CTNNA2: variants seen among roughly 807,000 people sequenced by gnomAD.
The protein encoded by CTNNA2 is catenin alpha-2.
Under a neutral mutation model 101.0 loss-of-function variants are expected in CTNNA2, and 42 were observed. That is an observed-to-expected ratio of 0.42 (90% confidence interval 0.32 to 0.54). The LOEUF is 0.54. Ranked by LOEUF, CTNNA2 falls within the 20% of genes least tolerant of loss-of-function variation. CTNNA2 has a pLI of 0.14. For synonymous variants in CTNNA2, 450 were observed against 456.4 expected, an observed-to-expected ratio of 0.99 and a Z score of 0.18; for missense variants, 871 against 1,223.1, an observed-to-expected ratio of 0.71 and a Z score of 4.29.
rs544829787 is a variant in CTNNA2 at position 80,450,877 on chromosome 2, T to A, written c.1290+31276T>A. Reference sequence around the variant, plus strand: ...AGGGTTGGATGGTAATTTTCAGCAGTGGAACTTGAGAGGAACAATTCTATT... The same window carrying A: ...AGGGTTGGATGGTAATTTTCAGCAGAGGAACTTGAGAGGAACAATTCTATT... On this transcript the variant is annotated intron_variant, in intron 9 of 18. Transcript: ENST00000402739. 7.9e-5 allele frequency among the ~76,000 whole-genome samples: 12 copies of A among 152,262 alleles called. No individual in the cohort carries two copies. The South Asian group carries it at 2.5e-3, about 32-fold the overall frequency.
chr2:80,320,680 A>G (rs1678593069), intron 7 of CTNNA2, among the ~76,000 whole-genome samples: 1 of 152,208 alleles, frequency 6.6e-6, no homozygotes, highest in South Asian at 2.1e-4. Context: ...TTGCCACTTT[A>G]GCATTATCAT....
chr2:80,176,161 T>C, intron 7 of CTNNA2, among the ~76,000 whole-genome samples: 1 of 152,200 alleles, frequency 6.6e-6, no homozygotes, highest in East Asian at 1.9e-4. Context: ...CTTAAACCCA[T>C]ACACATCTTT....
chr2:79,611,905 G>A (rs888978393), intron 1 of CTNNA2, among the ~76,000 whole-genome samples: 3 of 152,114 alleles, frequency 2.0e-5, no homozygotes, highest in Non-Finnish European at 2.9e-5. Context: ...CCACCAGTAC[G>A]TTGACACAGA....
intron 3 of CTNNA2, among the ~76,000 whole-genome samples, chr2:79,769,315 C>T (rs1441988742): frequency 6.6e-6 from 1 of 152,054 alleles, no homozygotes; most frequent in Non-Finnish European, 1.5e-5. Flanking sequence ...AATGGAGGGT[C>T]ACTTAATCAA....
At chr2:80,490,968 A>G (rs1157899652) in intron 9 of CTNNA2, among the ~76,000 whole-genome samples, 3 of 152,248 alleles carry the variant, frequency 2.0e-5, no homozygotes, top group African/African-American at 4.8e-5. Context: ...CATGGCCTCA[A>G]GTTACTAATT....
At chr2:80,038,323 AAAAC>A (rs1472012085) in intron 7 of CTNNA2, among the ~76,000 whole-genome samples, 1 of 152,210 alleles carries the variant, frequency 6.6e-6, no homozygotes, top group East Asian at 1.9e-4. Context: ...TAAAGAAAAA[AAAAC>A]TTGTTTCATT....
chr2:79,833,601 G>A (rs577325323), intron 3 of CTNNA2, among the ~76,000 whole-genome samples: 2 of 152,052 alleles, frequency 1.3e-5, no homozygotes, highest in African/African-American at 4.8e-5. Context: ...AGTAAAACTC[G>A]ATTTCTTGCT....
At chr2:80,645,317 T>C (rs1426987236) in intron 18 of CTNNA2, among the ~76,000 whole-genome samples, 1 of 152,170 alleles carries the variant, frequency 6.6e-6, no homozygotes, top group Non-Finnish European at 1.5e-5. Context: ...TCCCAACATT[T>C]TGCTGTCTCA....
intron 9 of CTNNA2, among the ~76,000 whole-genome samples, chr2:80,428,871 T>G (rs1681230448): frequency 6.6e-6 from 1 of 152,082 alleles, no homozygotes; most frequent in Non-Finnish European, 1.5e-5. Flanking sequence ...TTGATGGAAT[T>G]GGACCTCCAT....
intron 1 of CTNNA2, among the ~76,000 whole-genome samples, chr2:79,575,028 G>T (rs1675700985): frequency 6.6e-6 from 1 of 151,922 alleles, no homozygotes; most frequent in African/African-American, 2.4e-5. Flanking sequence ...GAAAAGCGTT[G>T]GTTCGTGTCC....
chr2:79,962,252 C>A lies in CTNNA2; in HGVS notation c.1056+52455C>A, dbSNP rs1689690202. On this transcript the variant is annotated intron_variant, in intron 7 of 18. Coordinates refer to ENST00000402739, the MANE Select transcript of CTNNA2 (RefSeq NM_001282597.3). The stretch of plus-strand genomic sequence containing the variant: ...ATCAAGACACTGGCAGATTTGGAGT[C>A]TGGCGATGGCCTGTTCCTCATAGAT... Among the ~76,000 whole-genome samples the A allele has an allele frequency of 2.0e-5, 3 of 152,244 alleles. No homozygotes were observed. The South Asian group carries it at 6.2e-4, about 31-fold the overall frequency.
intron 3 of CTNNA2, among the ~76,000 whole-genome samples, chr2:79,791,451 G>A (rs952628149): frequency 2.0e-5 from 3 of 152,170 alleles, no homozygotes; most frequent in Non-Finnish European, 4.4e-5. Context: ...TAATGGGTTA[G>A]GATAATGTAT....
rs1464589793 is a variant in CTNNA2, at chr2:80,293,776, TGC to T, written c.1057-99434_1057-99433del. 3.9e-5 allele frequency among the ~76,000 whole-genome samples: 6 copies of T among 152,308 alleles called. No homozygotes were observed. The East Asian group carries it at 1.2e-3, about 29-fold the overall frequency. On this transcript the variant is annotated intron_variant, in intron 7 of 18. Coordinates refer to ENST00000402739, the MANE Select transcript of CTNNA2 (RefSeq NM_001282597.3). ...GAAGAGCTGGTGGCAAATCTGCGGA[TGC>T]AGTGGACTGAGTGGAAAGGGAATAT...
At chr2:79,799,212 T>A in intron 3 of CTNNA2, among the ~76,000 whole-genome samples, 1 of 151,966 alleles carries the variant, frequency 6.6e-6, no homozygotes, top group East Asian at 1.9e-4. Context: ...GCCAGCCTCA[T>A]TCCCCCTCTT....
intron 1 of CTNNA2, among the ~76,000 whole-genome samples, chr2:79,644,090 C>T (rs754986112): frequency 2.0e-4 from 31 of 152,100 alleles, no homozygotes; most frequent in Non-Finnish European, 2.1e-4. Flanking sequence ...CAGGCTGGAG[C>T]GCAGTGGCAT....
At chr2:80,542,568 G>A (rs756405929) in intron 9 of CTNNA2, among the ~76,000 whole-genome samples, 12 of 151,782 alleles carry the variant, frequency 7.9e-5, no homozygotes, top group Admixed American at 1.3e-4. Flanking sequence ...TTCATTAAGC[G>A]TGTTGGTATT....
intron 7 of CTNNA2, among the ~76,000 whole-genome samples, chr2:80,048,417 A>T (rs933154600): frequency 1.3e-5 from 2 of 152,176 alleles, no homozygotes; most frequent in African/African-American, 2.4e-5. Flanking sequence ...AAAGTCTTTA[A>T]TTGGGATAAG....
intron 3 of CTNNA2, among the ~76,000 whole-genome samples, chr2:79,320,633 G>T (rs1342776328): frequency 6.6e-6 from 1 of 152,160 alleles, no homozygotes; most frequent in African/African-American, 2.4e-5. Context: ...GTAGATGTTG[G>T]AATCCACCGG....
intron 3 of CTNNA2, among the ~76,000 whole-genome samples, chr2:79,352,183 C>A (rs1677404886): frequency 6.6e-6 from 1 of 151,954 alleles, no homozygotes; most frequent in African/African-American, 2.4e-5. Flanking sequence ...TGATAATTAG[C>A]ATTTTTTCAC....
Sources: allele counts gnomAD v4.1 joint callset (sites outside exome capture counted in the v4.1 genomes callset), GRCh38; gene constraint gnomAD v4.1.1; transcripts MANE v1.5; gene names NCBI Gene and HGNC (gene_info 2026-07-23, HGNC 2026-07-21).